DERL1: variants seen among roughly 807,000 people sequenced by gnomAD.
DERL1 encodes the protein derlin 1.
A neutral mutation model predicts 41.6 loss-of-function variants in DERL1; 24 were observed. The ratio of observed to expected loss-of-function variants is 0.58; its 90% CI spans 0.42 to 0.81. DERL1 has a LOEUF of 0.81. Ranked by LOEUF, DERL1 falls within the 30% of genes least tolerant of loss-of-function variation. The probability of loss-of-function intolerance (pLI) is 0.00; values close to 1 mark genes in which losing one functional copy is unlikely to be tolerated. For synonymous variants in DERL1, 124 were observed against 112.5 expected (o/e 1.10, Z -0.65); for missense variants, 260 against 314.3 (o/e 0.83, Z 1.31).
Position 123,037,669 on chromosome 8 carries a change from G to A in DERL1, c.153+4301C>T, listed in dbSNP as rs368596851. On this transcript the variant is annotated intron_variant, in intron 1 of 7. Coordinates refer to ENST00000259512, the MANE Select transcript of DERL1 (RefSeq NM_024295.6). Reference sequence around the variant, plus strand: ...GTTTTGCTACATACTTATTTTTTTCGTAGATATTATGCAAAGGAGTTAAAC... The same window carrying A: ...GTTTTGCTACATACTTATTTTTTTCATAGATATTATGCAAAGGAGTTAAAC... Among the ~76,000 whole-genome samples, 13 of 152,050 alleles carry A rather than the reference G, an allele frequency of 8.5e-5. No homozygotes were observed. The East Asian group carries it at 9.7e-4, about 11-fold the overall frequency.
chr8:123,015,762 G>T, intron 7 of DERL1, 177 bp from the exon 8 acceptor site: 1 of 615,332 alleles, frequency 1.6e-6, no homozygotes, highest in Non-Finnish European at 2.5e-6. Flanking sequence ...CCCATGACCT[G>T]ACCACAGACG....
At position 123,015,474 on chromosome 8, in the gene DERL1, G is replaced by A. The variant is rs991773866; in HGVS notation, c.729C>T (p.Gly243=). Reference sequence around the variant, plus strand: ...ACTGGTCTCCAAGTCGAAAGCCCTGGCCCCAGTTGTGTCTCCCGCCTCCGC... The same window carrying A: ...ACTGGTCTCCAAGTCGAAAGCCCTGACCCCAGTTGTGTCTCCCGCCTCCGC... The part of the protein sequence containing the change: ...QNGGGGRHNW[G]QGFRLGDQ Residue 243 remains glycine (G), a synonymous_variant, in exon 8 of 8, where the codon GGC becomes GGT. Coordinates refer to ENST00000259512, the MANE Select transcript of DERL1 (RefSeq NM_024295.6). The A allele has an allele frequency of 1.2e-5, 19 of 1,612,736 alleles. No individual in the cohort carries two copies. The South Asian group carries it at 1.7e-4, about 14-fold the overall frequency.
chr8:123,018,178 T>A (rs1232793118), intron 7 of DERL1: 1 of 152,140 alleles, frequency 6.6e-6, no homozygotes, highest in Non-Finnish European at 1.5e-5. Flanking sequence ...GTTTGGTTTG[T>A]TTGTTTTTTT....
chr8:123,037,374 C>T (rs1812950153), intron 1 of DERL1, among the ~76,000 whole-genome samples: 1 of 152,102 alleles, frequency 6.6e-6, no homozygotes, highest in Non-Finnish European at 1.5e-5. Flanking sequence ...TCCCCTGTCC[C>T]CCAAAAAAGT....
intron 1 of DERL1, among the ~76,000 whole-genome samples, chr8:123,038,158 A>G (rs16897911): frequency 0.1 from 15,798 of 152,222 alleles, 1,040 homozygotes; most frequent in African/African-American, 0.19. Flanking sequence ...GAGGAAAAAT[A>G]ACTTGTCACT....
At position 123,026,744 on chromosome 8, in the gene DERL1, A is replaced by C; in HGVS notation, c.266-1694T>G. 2.6e-5 allele frequency among the ~76,000 whole-genome samples: 4 copies of C among 152,296 alleles called. No individual in the cohort carries two copies. The South Asian group carries it at 8.3e-4, about 32-fold the overall frequency. On this transcript the variant is annotated intron_variant, in intron 2 of 7. Transcript: ENST00000259512. ...CTCAAAAGTTCCTCTCTACACGTTC[A>C]TAGCAGCTATTATTCACAATGGCCA...
At chr8:123,033,018 C>T (rs564520923) in intron 1 of DERL1, among the ~76,000 whole-genome samples, 2 of 151,974 alleles carry the variant, frequency 1.3e-5, no homozygotes, top group Non-Finnish European at 2.9e-5. Flanking sequence ...TGTACCATCA[C>T]ACCTGGTAAT....
At chr8:123,021,919 C>G (rs1048822764) in intron 5 of DERL1, among the ~76,000 whole-genome samples, 1 of 152,142 alleles carries the variant, frequency 6.6e-6, no homozygotes, top group Non-Finnish European at 1.5e-5. Flanking sequence ...TTTTACATAT[C>G]TTGCAAAATT....
rs527988779 is a variant in DERL1 at position 123,014,683 on chromosome 8, G to C, written c.*764C>G. On this transcript the variant is annotated 3_prime_UTR_variant, in exon 8 of 8. Transcript: ENST00000259512. ...CATGGTTTAAACCTAACCCATGTTA[G>C]CTGCAACTCCACTACAGTCTTGATC... 6.6e-6 allele frequency: 1 copy of C among 152,358 alleles called. No homozygotes were observed. Among genetic ancestry groups the C allele is most frequent in the Admixed American group, 6.5e-5 (1 of 15,304 alleles). 9.4% of individuals were successfully genotyped at this position (152,358 alleles called of 1,614,324 possible).
chr8:123,022,838 A>C, intron 4 of DERL1, 59 bp from the exon 5 acceptor site: 2 of 1,427,556 alleles, frequency 1.4e-6, no homozygotes, highest in Admixed American at 1.7e-5. Flanking sequence ...AAAGGTGTAC[A>C]TCTACTATGC....
intron 2 of DERL1, among the ~76,000 whole-genome samples, chr8:123,026,054 C>T (rs552728112): frequency 8.6e-5 from 13 of 152,040 alleles, no homozygotes; most frequent in South Asian, 2.1e-4. Context: ...CCGTTCCACA[C>T]CCCCTCACAG....
chr8:123,030,813 T>C, intron 1 of DERL1, 97 bp from the exon 2 acceptor site: 2 of 816,446 alleles, frequency 2.4e-6, no homozygotes, highest in South Asian at 3.3e-5. Flanking sequence ...TCCTCCTCAA[T>C]GAGAGGTGTG....
chr8:123,019,411 C>T, intron 6 of DERL1, 106 bp from the exon 7 acceptor site: 2 of 748,588 alleles, frequency 2.7e-6, no homozygotes, highest in Non-Finnish European at 4.5e-6. Flanking sequence ...CCATTTAGTC[C>T]CTGGGAGTCT....
intron 2 of DERL1, among the ~76,000 whole-genome samples, chr8:123,026,991 G>T (rs1812711907): frequency 6.6e-6 from 1 of 152,076 alleles, no homozygotes; most frequent in African/African-American, 2.4e-5. Context: ...CAAATCTAAA[G>T]AGTCAATAAG....
intron 6 of DERL1, among the ~76,000 whole-genome samples, chr8:123,020,909 T>C (rs1814745838): frequency 6.8e-6 from 1 of 147,094 alleles, no homozygotes; most frequent in African/African-American, 2.5e-5. Flanking sequence ...GAGGTTACAA[T>C]GAGCCAAGAT....
At chr8:123,024,589 C>A (rs1663754616) in intron 3 of DERL1, among the ~76,000 whole-genome samples, 1 of 152,156 alleles carries the variant, frequency 6.6e-6, no homozygotes, top group South Asian at 2.1e-4. Context: ...AAGAGAAGGA[C>A]AGCAATGAAG....
intron 1 of DERL1, among the ~76,000 whole-genome samples, chr8:123,037,874 C>T (rs543041010): frequency 1.1e-3 from 161 of 152,214 alleles, no homozygotes; most frequent in Middle Eastern, 0.01. Context: ...GCCATGCAGG[C>T]GGCCCTGGGA....
chr8:123,025,742 C>T (rs918134325), intron 2 of DERL1: 1 of 152,228 alleles, frequency 6.6e-6, no homozygotes, highest in African/African-American at 2.4e-5. Flanking sequence ...GCCTCTGACT[C>T]AGTCCTCATA....
chr8:123,036,397 A>G (rs1328161775), intron 1 of DERL1, among the ~76,000 whole-genome samples: 10 of 152,256 alleles, frequency 6.6e-5, no homozygotes, highest in Admixed American at 5.9e-4. Context: ...TATAAAAAGC[A>G]TAAAAACTGG....
Sources: allele counts gnomAD v4.1 joint callset (sites outside exome capture counted in the v4.1 genomes callset), GRCh38; gene constraint gnomAD v4.1.1; transcripts MANE v1.5; gene names NCBI Gene and HGNC (gene_info 2026-07-23, HGNC 2026-07-21).